The following PCBP3 variants were observed in gnomAD, a reference collection of about 807,000 sequenced individuals.
The protein encoded by PCBP3 is poly(rC) binding protein 3, also known as poly(rC)-binding protein 3.
A neutral mutation model predicts 52.7 loss-of-function variants in PCBP3; 25 were observed. That is an observed-to-expected ratio of 0.47 (90% CI 0.35 to 0.66). PCBP3 has a LOEUF of 0.66. Among genes scored for constraint, PCBP3 ranks in the 30% least tolerant of loss-of-function variants. The pLI is 0.01. For synonymous variants in PCBP3, 162 were observed against 183.0 expected (o/e 0.89, Z 0.93); for missense variants, 391 against 490.3 (o/e 0.80, Z 1.91).
At chr21:45,806,010 G>A (rs1234826886) in intron 4 of PCBP3, among the ~76,000 whole-genome samples, 7 of 152,232 alleles carry the variant, frequency 4.6e-5, no homozygotes, top group African/African-American at 1.7e-4. Flanking sequence ...GCATTAGAGA[G>A]GGCGGTCCAC....
rs764095934 is a variant in PCBP3 at position 45,900,616 on chromosome 21, G to A, written c.215G>A (p.Arg72His). The A allele has an allele frequency of 2.5e-6, 4 of 1,593,526 alleles. No individual in the cohort carries two copies. The highest frequency in any genetic ancestry group is 1.3e-5 in the African/African-American group (1 of 74,446). Reference sequence around the variant, plus strand: ...AAAGGAGAAACTGTGAAGAAGATGCGTGAGGAGGTGAGTGTGGTGGGTCCC... The same window carrying A: ...AAAGGAGAAACTGTGAAGAAGATGCATGAGGAGGTGAGTGTGGTGGGTCCC... The part of the protein sequence containing the change: ...GKKGETVKKM[R>H]EESGARINIS... Residue 72 changes from arginine (R) to histidine (H), a missense_variant, in exon 8 of 18, where the codon CGT becomes CAT. By Grantham distance (29) the Arg-to-His change is conservative (BLOSUM62 0). Coordinates refer to ENST00000681687, the MANE Select transcript of PCBP3 (RefSeq NM_001384156.1).
Position 45,671,012 on chromosome 21 carries a change from C to G in PCBP3, c.-200+2060C>G, listed in dbSNP as rs116811969. Reference sequence around the variant, plus strand: ...ACACATGGAGAAGGCACACATGCTTCTCAGCCATGTTGGCCCAAAAGTGAC... The same window carrying G: ...ACACATGGAGAAGGCACACATGCTTGTCAGCCATGTTGGCCCAAAAGTGAC... On this transcript the variant is annotated intron_variant, in intron 2 of 17. Coordinates refer to ENST00000681687, the MANE Select transcript of PCBP3 (RefSeq NM_001384156.1). Among the ~76,000 whole-genome samples, 1,193 of 152,280 alleles carry G rather than the reference C, an allele frequency of 7.8e-3. 14 individuals carry two copies. The highest frequency in any genetic ancestry group is 0.027 in the African/African-American group (1,126 of 41,546).
At chr21:45,906,790 A>G (rs868795962) in intron 9 of PCBP3, among the ~76,000 whole-genome samples, 5 of 152,118 alleles carry the variant, frequency 3.3e-5, no homozygotes, top group African/African-American at 4.8e-5. Flanking sequence ...TGCCTACTAA[A>G]TTTTCAGGGG....
At chr21:45,849,288 C>T (rs1311791288) in intron 4 of PCBP3, among the ~76,000 whole-genome samples, 1 of 151,852 alleles carries the variant, frequency 6.6e-6, no homozygotes, top group Non-Finnish European at 1.5e-5. Flanking sequence ...TCACTGCAAC[C>T]CCCGCCTCCT....
intron 4 of PCBP3, among the ~76,000 whole-genome samples, chr21:45,798,694 G>T (rs575399325): frequency 6.6e-6 from 1 of 151,680 alleles, no homozygotes; most frequent in East Asian, 2.0e-4. Context: ...TGAATGCATG[G>T]ATCTGTAGAG....
At chr21:45,911,196 C>T (rs778623413) in intron 11 of PCBP3, 166 bp downstream of exon 11, 8 of 764,654 alleles carry the variant, frequency 1.0e-5, no homozygotes, top group Admixed American at 2.0e-5. Context: ...CCGGTATGGG[C>T]GCCACAGGGG....
At chr21:45,677,054 C>T (rs1008089053) in intron 2 of PCBP3, among the ~76,000 whole-genome samples, 5 of 152,190 alleles carry the variant, frequency 3.3e-5, no homozygotes, top group East Asian at 3.9e-4. Flanking sequence ...TTAGCCACTG[C>T]GCCTGGCCAC....
chr21:45,781,205 C>T (rs2090612620), intron 4 of PCBP3, among the ~76,000 whole-genome samples: 1 of 152,146 alleles, frequency 6.6e-6, no homozygotes, highest in African/African-American at 2.4e-5. Flanking sequence ...TAAAAATTCA[C>T]TACATTCTCT....
At chr21:45,897,346 TTGAC>T (rs1458693864) in intron 6 of PCBP3, among the ~76,000 whole-genome samples, 2 of 152,170 alleles carry the variant, frequency 1.3e-5, no homozygotes, top group Non-Finnish European at 1.5e-5. Context: ...GTCGTCGGCT[TTGAC>T]TGTGCAGTCG....
In PCBP3 at chr21:45,917,359, C is replaced by G; in HGVS notation, c.676-229C>G. 1 of 421,398 alleles carries G rather than the reference C, an allele frequency of 2.4e-6. No homozygotes were observed. Among genetic ancestry groups the G allele is most frequent in the Non-Finnish European group, 4.4e-6 (1 of 226,614 alleles). 26.1% of individuals were successfully genotyped at this position (421,398 alleles called of 1,614,324 possible). Reference sequence around the variant, plus strand: ...GGCTGAACTGTTTCCCTCCCACCCGCTGAACTGGCCAGCTCAGCTCTGCCC... The same window carrying G: ...GGCTGAACTGTTTCCCTCCCACCCGGTGAACTGGCCAGCTCAGCTCTGCCC... On this transcript the variant is annotated intron_variant, in intron 12 of 17. Coordinates refer to ENST00000681687, the MANE Select transcript of PCBP3 (RefSeq NM_001384156.1). This position sits in a 1 kb window ranked among gnomAD's most constrained non-coding sequence, Gnocchi z 5.3.
intron 2 of PCBP3, among the ~76,000 whole-genome samples, chr21:45,697,805 A>C (rs905592337): frequency 5.3e-5 from 8 of 152,138 alleles, no homozygotes; most frequent in African/African-American, 1.9e-4. Flanking sequence ...TTATCTTATT[A>C]ATAAGACAGA....
chr21:45,884,490 TACATACACATATATA>T (rs1489862247), intron 5 of PCBP3, among the ~76,000 whole-genome samples: 2 of 152,218 alleles, frequency 1.3e-5, no homozygotes, highest in African/African-American at 2.4e-5. Context: ...TACACATGTA[TACATACACATATATA>T]ACATACACAT....
intron 1 of PCBP3, among the ~76,000 whole-genome samples, chr21:45,650,173 A>T (rs1476357933): frequency 6.6e-6 from 1 of 152,002 alleles, no homozygotes; most frequent in Non-Finnish European, 1.5e-5. Context: ...CAAAAAAAAA[A>T]ACCAAAGAAA....
chr21:45,930,812 G>A lies in PCBP3; in HGVS notation c.823G>A (p.Glu275Lys), dbSNP rs747312227. ...AGAAAAGCTGCCTTTACACTCCTCC[G>A]AAGAAGCTCAAAATCTGATGGGCCA... ...PGEKLPLHSSEEAQNLMGQSS... is the reference protein window; with the variant it reads ...PGEKLPLHSSKEAQNLMGQSS... The change falls in exon 15 of 18, where the codon GAA becomes AAA. Residue 275 changes from glutamate (E) to lysine (K), a missense_variant. Transcript: ENST00000681687. The A allele has an allele frequency of 1.7e-5, 27 of 1,556,362 alleles. No homozygotes were observed. Among genetic ancestry groups the A allele is most frequent in the East Asian group, 4.5e-5 (2 of 44,642 alleles).
chr21:45,654,626 A>G (rs1252520758), intron 1 of PCBP3, among the ~76,000 whole-genome samples: 2 of 152,152 alleles, frequency 1.3e-5, no homozygotes, highest in African/African-American at 4.8e-5. Flanking sequence ...GGCGTGAGCC[A>G]CCGCGCCTGG....
chr21:45,742,369 C>T (rs902991315), intron 3 of PCBP3, among the ~76,000 whole-genome samples: 12 of 152,192 alleles, frequency 7.9e-5, no homozygotes, highest in African/African-American at 2.9e-4. Flanking sequence ...GTCTCCATCT[C>T]GAAATGCAGA....
At chr21:45,693,641 A>G (rs974250570) in intron 2 of PCBP3, among the ~76,000 whole-genome samples, 1 of 152,172 alleles carries the variant, frequency 6.6e-6, no homozygotes, top group African/African-American at 2.4e-5. Context: ...GGATAAAAAG[A>G]TGAAGAATTT....
intron 5 of PCBP3, among the ~76,000 whole-genome samples, chr21:45,862,316 C>T (rs564727627): frequency 1.3e-5 from 2 of 152,166 alleles, no homozygotes; most frequent in African/African-American, 2.4e-5. Flanking sequence ...CATAAAAATG[C>T]ACAAAATGCA....
intron 5 of PCBP3, among the ~76,000 whole-genome samples, chr21:45,867,578 C>A (rs922146365): frequency 6.6e-5 from 10 of 152,262 alleles, no homozygotes; most frequent in African/African-American, 2.4e-4. Flanking sequence ...GCCACCCGAC[C>A]CTTGTGTTGT....
Sources: gnomAD v4.1 joint callset for allele counts (sites outside exome capture counted in the v4.1 genomes callset) on GRCh38, gnomAD v4.1.1 for gene constraint, Gnocchi (gnomAD v3.1) non-coding constraint, MANE v1.5 for transcripts, NCBI Gene and HGNC (gene_info 2026-07-23, HGNC 2026-07-21) for gene names.